The following MMP14 variants were observed in gnomAD, a reference collection of about 807,000 sequenced individuals.
The protein encoded by MMP14 is matrix metallopeptidase 14.
In MMP14, 13 loss-of-function variants were observed where a neutral mutation model predicts 64.8. The observed-to-expected ratio is 0.20, with a 90% CI of 0.13 to 0.32. The LOEUF is 0.32. Ranked by LOEUF, MMP14 falls within the 10% of genes least tolerant of loss-of-function variation. The pLI is 1.00. For synonymous variants in MMP14, 322 were observed against 315.9 expected (o/e 1.02, Z -0.20); for missense variants, 594 against 783.8 (o/e 0.76, Z 2.89).
At chr14:22,839,962 CTTTTTTTTT>C (rs577502772) in intron 1 of MMP14, among the ~76,000 whole-genome samples, 2 of 90,806 alleles carry the variant, frequency 2.2e-5, no homozygotes, top group African/African-American at 1.0e-4. Flanking sequence ...GCTTGTTTTA[CTTTTTTTTT>C]TTTTTTTTTT....
chr14:22,837,016 G>A, intron 1 of MMP14, 91 bp downstream of exon 1: 1 of 969,876 alleles, frequency 1.0e-6, no homozygotes. Flanking sequence ...TCGGAGAGGA[G>A]GGCTTTTGGG....
In MMP14 at chr14:22,842,196, T is replaced by A; in HGVS notation, c.380+161T>A. The A allele has an allele frequency of 9.0e-7, 1 of 1,108,614 alleles. No homozygotes were observed. Among genetic ancestry groups the A allele is most frequent in the Non-Finnish European group, 1.3e-6 (1 of 773,414 alleles). The allele number at this position is 1,108,614 out of a possible 1,614,324, so 68.7% of individuals were successfully genotyped here. A position where few individuals can be genotyped will look rare whatever the true frequency, so the allele number is the denominator to read the frequency against. ...ATGGCTCTCATCCTTGAGAGAGGTGTAGCCATCAAGGGTGCACCCCAGTGC... is the reference window on the plus strand; with the variant it reads ...ATGGCTCTCATCCTTGAGAGAGGTGAAGCCATCAAGGGTGCACCCCAGTGC... On this transcript the variant is annotated intron_variant, in intron 3 of 9. Coordinates refer to ENST00000311852, the MANE Select transcript of MMP14 (RefSeq NM_004995.4). This position sits in a 1 kb window ranked among gnomAD's most constrained non-coding sequence, Gnocchi z 5.3.
chr14:22,840,919 C>T (rs911137736), intron 1 of MMP14, among the ~76,000 whole-genome samples: 3 of 152,234 alleles, frequency 2.0e-5, no homozygotes, highest in African/African-American at 7.2e-5. Context: ...CCTCTTACCA[C>T]ATTCCAAGTT....
chr14:22,842,446 C>G lies in MMP14; in HGVS notation c.417C>G (p.Ala139=). The G allele has an allele frequency of 6.2e-7, 1 of 1,613,846 alleles. No homozygotes were observed. The highest frequency in any genetic ancestry group is 2.2e-5 in the East Asian group (1 of 44,888). ...QNYTPKVGEY[A]TYEAIRKAFR... ...ACACCCCCAAGGTGGGCGAGTATGCCACATACGAGGCCATTCGCAAGGCGT... is the reference window on the plus strand; with the variant it reads ...ACACCCCCAAGGTGGGCGAGTATGCGACATACGAGGCCATTCGCAAGGCGT... The change falls in exon 4 of 10, where the codon GCC becomes GCG. Residue 139 remains alanine (A), a synonymous_variant. Coordinates refer to ENST00000311852, the MANE Select transcript of MMP14 (RefSeq NM_004995.4). The surrounding 1 kb of genome is among the most constrained non-coding windows in gnomAD (Gnocchi z 5.3).
intron 1 of MMP14, 54 bp downstream of exon 1, chr14:22,836,979 G>C: frequency 7.1e-7 from 1 of 1,415,510 alleles, no homozygotes; most frequent in South Asian, 1.2e-5. Context: ...AGGCGAGCCC[G>C]GGGGTCTCCT....
intron 8 of MMP14, among the ~76,000 whole-genome samples, 162 bp from the exon 9 acceptor site, chr14:22,845,089 C>T (rs1013645465): frequency 6.6e-6 from 1 of 152,162 alleles, no homozygotes; most frequent in African/African-American, 2.4e-5. Flanking sequence ...CCCTTCCACC[C>T]CCACCTTCCG....
At position 22,847,691 on chromosome 14, in the gene MMP14, G is replaced by T. The variant is rs1354400328; in HGVS notation, c.*1652G>T. 1 of 152,056 alleles carries T rather than the reference G, an allele frequency of 6.6e-6. No individual in the cohort carries two copies. The highest frequency in any genetic ancestry group is 1.5e-5 in the Non-Finnish European group (1 of 68,014). The allele number at this position is 152,056 out of a possible 1,614,324, so 9.4% of individuals were successfully genotyped here. ...CCAGGAACCTGCAGGGCGGGGCTGGGTCGGTGCCCTCTAAGGACAATTTTG... is the reference window on the plus strand; with the variant it reads ...CCAGGAACCTGCAGGGCGGGGCTGGTTCGGTGCCCTCTAAGGACAATTTTG... On this transcript the variant is annotated 3_prime_UTR_variant, in exon 10 of 10. Transcript: ENST00000311852.
chr14:22,841,260 AAAAG>A (rs761308062), intron 1 of MMP14, among the ~76,000 whole-genome samples: 15 of 152,236 alleles, frequency 9.9e-5, no homozygotes, highest in Non-Finnish European at 1.8e-4. Flanking sequence ...AGCTACAGCC[AAAAG>A]CCTGTTTGGG....
At position 22,837,492 on chromosome 14, in the gene MMP14, G is replaced by T. The variant is rs565694967; in HGVS notation, c.108+567G>T. 1.4e-5 allele frequency: 6 copies of T among 440,996 alleles called. No individual in the cohort carries two copies. In the East Asian group the frequency reaches 4.3e-4, roughly 31 times the overall value. 27.3% of individuals were successfully genotyped at this position (440,996 alleles called of 1,614,324 possible). On this transcript the variant is annotated intron_variant, in intron 1 of 9. Coordinates refer to ENST00000311852, the MANE Select transcript of MMP14 (RefSeq NM_004995.4). ...CCAGGGCCACAGCCCCCGTCTCCCC[G>T]AGAGGACCCCGCTGTGTCCCTACCC...
At position 22,843,487 on chromosome 14, in the gene MMP14, C is replaced by T. The variant is rs572434824; in HGVS notation, c.850+69C>T. ...TTCCCTCCTGGTCTACGCATTTCCC[C>T]TCTTTTATGCCTTGCAGTCTCCGCA... is the stretch of plus-strand genomic sequence containing the variant. On this transcript the variant is annotated intron_variant, in intron 5 of 9. Coordinates refer to ENST00000311852, the MANE Select transcript of MMP14 (RefSeq NM_004995.4). The surrounding 1 kb of genome is among the most constrained non-coding windows in gnomAD (Gnocchi z 4.8). 1 of 1,549,932 alleles carries T rather than the reference C, an allele frequency of 6.5e-7. No individual in the cohort carries two copies. The highest frequency in any genetic ancestry group is 1.4e-5 in the African/African-American group (1 of 73,922).
intron 1 of MMP14, among the ~76,000 whole-genome samples, chr14:22,839,016 A>G (rs1232060839): frequency 6.6e-5 from 10 of 152,192 alleles, no homozygotes; most frequent in Non-Finnish European, 1.3e-4. Flanking sequence ...GAACGACTCC[A>G]GAGGGGATTT....
chr14:22,845,962 G>T lies in MMP14; in HGVS notation c.1672G>T (p.Ala558Ser). 1 of 1,580,722 alleles carries T rather than the reference G, an allele frequency of 6.3e-7. No homozygotes were observed. Among genetic ancestry groups the T allele is most frequent in the Non-Finnish European group, 8.6e-7 (1 of 1,162,350 alleles). Reference sequence around the variant, plus strand: ...GCTCCTGGTGCTGGCGGTGGGCCTTGCAGTCTTCTTCTTCAGACGCCATGG... The same window carrying T: ...GCTCCTGGTGCTGGCGGTGGGCCTTTCAGTCTTCTTCTTCAGACGCCATGG... ...LLLLVLAVGL[A>S]VFFFRRHGTP... The change falls in exon 10 of 10, where the codon GCA becomes TCA. Residue 558 changes from alanine to serine, a missense_variant. Around this residue, in one of 4 missense-constraint regions of MMP14, gnomAD observed 364 missense variants for 425.2 expected, o/e 0.86. Transcript: ENST00000311852.
In MMP14 at chr14:22,842,554, C is replaced by G. The variant is rs778237782; in HGVS notation, c.525C>G (p.Ala175=). 5 of 1,614,132 alleles carry G rather than the reference C, an allele frequency of 3.1e-6. No individual in the cohort carries two copies. The highest frequency in any genetic ancestry group is 4.2e-6 in the Non-Finnish European group (5 of 1,180,012). The change falls in exon 4 of 10, where the codon GCC becomes GCG. Residue 175 remains alanine (A), a synonymous_variant. Coordinates refer to ENST00000311852, the MANE Select transcript of MMP14 (RefSeq NM_004995.4). This position sits in a 1 kb window ranked among gnomAD's most constrained non-coding sequence, Gnocchi z 5.3. ...AYIREGHEKQ[A]DIMIFFAEGF... is the part of the protein sequence containing the mutation. ...TCCGTGAGGGCCATGAGAAGCAGGC[C>G]GACATCATGATCTTCTTTGCCGAGG...
At chr14:22,837,583 C>T (rs994869169) in intron 1 of MMP14, 2 of 351,990 alleles carry the variant, frequency 5.7e-6, no homozygotes, top group African/African-American at 4.3e-5. Flanking sequence ...ACAAAGCTCT[C>T]CTTGTGAGCC....
chr14:22,837,848 CCT>C (rs1433157890), intron 1 of MMP14, among the ~76,000 whole-genome samples: 1 of 151,986 alleles, frequency 6.6e-6, no homozygotes, highest in South Asian at 2.1e-4. Flanking sequence ...GGAGGTTTTT[CCT>C]CTCTCTCTCT....
chr14:22,843,566 T>A lies in MMP14; in HGVS notation c.851-144T>A. 7.2e-7 allele frequency: 1 copy of A among 1,386,880 alleles called. No homozygotes were observed. The highest frequency in any genetic ancestry group is 9.8e-7 in the Non-Finnish European group (1 of 1,015,906). 85.9% of individuals were successfully genotyped at this position (1,386,880 alleles called of 1,614,324 possible). On this transcript the variant is annotated intron_variant, in intron 5 of 9. Coordinates refer to ENST00000311852, the MANE Select transcript of MMP14 (RefSeq NM_004995.4). The surrounding 1 kb of genome is among the most constrained non-coding windows in gnomAD (Gnocchi z 4.8). ...TATCAGCTCCACTTTTGAGCCCATC[T>A]TTTGTGTCGCCTCCCAGTTGGTTGC...
At chr14:22,839,351 T>A (rs1252403999) in intron 1 of MMP14, among the ~76,000 whole-genome samples, 3 of 152,244 alleles carry the variant, frequency 2.0e-5, no homozygotes, top group Non-Finnish European at 4.4e-5. Flanking sequence ...CCCCAGGCAC[T>A]GGCTGTGGCA....
chr14:22,844,824 C>T, intron 8 of MMP14, 44 bp downstream of exon 8: 1 of 1,611,088 alleles, frequency 6.2e-7, no homozygotes, highest in South Asian at 1.1e-5. Flanking sequence ...TCAGAAACCA[C>T]CACCACCCCA....
Position 22,836,912 on chromosome 14 carries a change from G to A in MMP14, c.95G>A (p.Ser32Asn). ...TCCCTCGGCTCGGCCCAAAGCAGCA[G>A]CTTCAGCCCCGAAGTAAGTGAGCTT... ...LASLGSAQSS[S>N]FSPEAWLQQY... The change falls in exon 1 of 10, where the codon AGC becomes AAC. Residue 32 changes from serine (S) to asparagine (N), a missense_variant. Coordinates refer to ENST00000311852, the MANE Select transcript of MMP14 (RefSeq NM_004995.4). 6.2e-7 allele frequency: 1 copy of A among 1,613,518 alleles called. No individual in the cohort carries two copies. The highest frequency in any genetic ancestry group is 8.5e-7 in the Non-Finnish European group (1 of 1,179,730).
Sources: allele counts gnomAD v4.1 joint callset (sites outside exome capture counted in the v4.1 genomes callset), GRCh38; gene constraint gnomAD v4.1.1; regional missense constraint gnomAD v4.1.1; non-coding constraint Gnocchi (gnomAD v3.1); transcripts MANE v1.5; gene names NCBI Gene and HGNC (gene_info 2026-07-23, HGNC 2026-07-21).